Variants in NINL observed in about 807,000 individuals in gnomAD.
NINL encodes ninein-like protein.
In NINL, 153 loss-of-function variants were observed where a neutral mutation model predicts 160.3. That is an observed-to-expected ratio of 0.95 (90% confidence interval 0.84 to 1.09). The LOEUF (loss-of-function observed/expected upper bound fraction) is 1.09. NINL is among the 50% of genes least tolerant of loss of function. NINL has a pLI of 0.00. For synonymous variants in NINL, 800 were observed against 734.8 expected, an observed-to-expected ratio of 1.09 and a Z score of -1.43; for missense variants, 1,829 against 1,764.0, an observed-to-expected ratio of 1.04 and a Z score of -0.66.
intron 1 of NINL, among the ~76,000 whole-genome samples, chr20:25,579,222 C>T (rs2065147594): frequency 6.6e-6 from 1 of 152,148 alleles, no homozygotes. Context: ...CAGACCGGAG[C>T]ACCCCTGACC....
At chr20:25,471,196 T>C (rs756251854) in intron 17 of NINL, among the ~76,000 whole-genome samples, 19 of 152,070 alleles carry the variant, frequency 1.2e-4, no homozygotes, top group Non-Finnish European at 2.5e-4. Context: ...TCTCGATAGG[T>C]TGCCCAGGCT....
intron 19 of NINL, among the ~76,000 whole-genome samples, chr20:25,465,140 A>G (rs769819376): frequency 1.4e-4 from 22 of 152,202 alleles, no homozygotes; most frequent in Non-Finnish European, 3.2e-4. Context: ...TCCAGTTTAC[A>G]AGGCAGACAA....
intron 3 of NINL, among the ~76,000 whole-genome samples, chr20:25,516,652 GA>G (rs1460054398): frequency 6.6e-6 from 1 of 152,144 alleles, no homozygotes; most frequent in Non-Finnish European, 1.5e-5. Context: ...GGAGAGTAGG[GA>G]GCCCTTTCAC....
intron 1 of NINL, among the ~76,000 whole-genome samples, chr20:25,526,976 G>T (rs999674771): frequency 4.6e-5 from 7 of 152,174 alleles, no homozygotes; most frequent in Non-Finnish European, 8.8e-5. Context: ...GGCTGCAGGG[G>T]CCTTGACAGT....
At chr20:25,467,314 A>G (rs2062938569) in intron 19 of NINL, 75 bp downstream of exon 19, 3 of 1,246,416 alleles carry the variant, frequency 2.4e-6, no homozygotes, top group Non-Finnish European at 3.5e-6. Flanking sequence ...TTCCTTTTGT[A>G]AGTTTAAAAT....
intron 13 of NINL, chr20:25,488,877 A>G (rs1429368841): frequency 4.7e-6 from 1 of 213,172 alleles, no homozygotes; most frequent in Non-Finnish European, 9.6e-6. Flanking sequence ...CCTTGAGAAC[A>G]TTAAGCGTGT....
intron 5 of NINL, chr20:25,509,751 T>C (rs2064033602): frequency 2.2e-6 from 1 of 456,566 alleles, no homozygotes; most frequent in Admixed American, 2.3e-5. Context: ...TGTTTTCACA[T>C]TGTTTGCATA....
intron 1 of NINL, among the ~76,000 whole-genome samples, chr20:25,572,309 T>C (rs2065063443): frequency 6.6e-6 from 1 of 151,680 alleles, no homozygotes; most frequent in Non-Finnish European, 1.5e-5. Context: ...CCCCAGGAGA[T>C]TTTCTTAACA....
chr20:25,461,774 G>A (rs144660870), intron 20 of NINL, 139 bp from the exon 21 acceptor site: 30 of 616,014 alleles, frequency 4.9e-5, no homozygotes, highest in Middle Eastern at 8.2e-4. Context: ...AACCAAGGCC[G>A]GCCCTGTGTC....
In NINL at chr20:25,480,224, C is replaced by A; in HGVS notation, c.1854G>T (p.Thr618=). 6.2e-7 allele frequency: 1 copy of A among 1,614,052 alleles called. No homozygotes were observed. Among genetic ancestry groups the A allele is most frequent in the Non-Finnish European group, 8.5e-7 (1 of 1,180,014 alleles). Residue 618 remains threonine, a synonymous_variant, in exon 15 of 24, where the codon ACG becomes ACT. Transcript: ENST00000278886. ...LGNSAPVSIE[T]ELMMEQVKEH... ...CCTTTACCTGCTCCATCATCAGCTC[C>A]GTTTCTATACTCACTGGAGCAGAAT...
intron 19 of NINL, among the ~76,000 whole-genome samples, chr20:25,463,673 T>C (rs1189842454): frequency 6.6e-6 from 1 of 152,230 alleles, no homozygotes; most frequent in Non-Finnish European, 1.5e-5. Context: ...AGTGATGTCC[T>C]CTGACCCGCT....
Position 25,496,774 on chromosome 20 carries a change from C to T in NINL, c.1199G>A (p.Arg400His), listed in dbSNP as rs150847797. The T allele has an allele frequency of 7.6e-5, 123 of 1,614,026 alleles. No homozygotes were observed. In the African/African-American group the frequency reaches 8.8e-4, roughly 12 times the overall value. ...CTCCAGGTCCTGCCTTGCCTTGTCA[C>T]GCTCCCTTGCCAGCTGCTCCACCTG... Reference protein sequence around the residue: ...QGQVEQLARERDKARQDLERA... With the variant: ...QGQVEQLAREHDKARQDLERA... Residue 400 changes from arginine (R) to histidine (H), a missense_variant, in exon 10 of 24, where the codon CGT becomes CAT. By Grantham distance (29) the Arg-to-His change is conservative. Transcript: ENST00000278886.
At chr20:25,550,410 G>T (rs1016853198) in intron 1 of NINL, among the ~76,000 whole-genome samples, 1 of 152,192 alleles carries the variant, frequency 6.6e-6, no homozygotes, top group African/African-American at 2.4e-5. Flanking sequence ...ACTGAGAAAA[G>T]AAATAAGACA....
chr20:25,547,332 A>AT, intron 1 of NINL, among the ~76,000 whole-genome samples: 1 of 152,330 alleles, frequency 6.6e-6, no homozygotes, highest in South Asian at 2.1e-4. Context: ...TCTTGGTCAC[A>AT]GCTTCATAAT....
chr20:25,543,040 CAAAAAAA>C (rs11480769), intron 1 of NINL, among the ~76,000 whole-genome samples: 2 of 130,690 alleles, frequency 1.5e-5, no homozygotes, highest in Non-Finnish European at 3.1e-5. Context: ...ACTCCGTCTT[CAAAAAAA>C]AAAAAAAGAA....
intron 1 of NINL, among the ~76,000 whole-genome samples, chr20:25,583,823 AG>A (rs1218090376): frequency 6.6e-6 from 1 of 152,202 alleles, no homozygotes; most frequent in Non-Finnish European, 1.5e-5. Context: ...TGTCCTTTGC[AG>A]GGACATGCAT....
chr20:25,516,283 T>C (rs972644725), intron 3 of NINL, among the ~76,000 whole-genome samples: 2 of 152,078 alleles, frequency 1.3e-5, no homozygotes, highest in African/African-American at 2.4e-5. Context: ...TAGTTTCTTA[T>C]AGCAATATGA....
rs1229396947 is a variant in NINL at position 25,468,583 on chromosome 20, C to G, written c.3354-1125G>C. Among the ~76,000 whole-genome samples the G allele has an allele frequency of 3.7e-5, 5 of 135,722 alleles. No homozygotes were observed. The East Asian group carries it at 1.3e-3, about 36-fold the overall frequency. 89.0% of individuals were successfully genotyped at this position (135,722 alleles called of 152,430 possible). A position where few individuals can be genotyped will look rare whatever the true frequency, so the allele number is the denominator to read the frequency against. ...CGCACCCCCCTGCCCTGTCCCCTGT[C>G]ACTGGTCTGTGCCCCTCTGTCCTGT... On this transcript the variant is annotated intron_variant, in intron 18 of 23. Transcript: ENST00000278886.
chr20:25,480,672 G>A (rs1243563459), intron 14 of NINL, among the ~76,000 whole-genome samples: 2 of 152,182 alleles, frequency 1.3e-5, no homozygotes, highest in East Asian at 3.9e-4. Flanking sequence ...TGTGTGCACG[G>A]AGGTTATCTA....
Sources: gnomAD v4.1 joint callset for allele counts (sites outside exome capture counted in the v4.1 genomes callset) on GRCh38, gnomAD v4.1.1 for gene constraint, MANE v1.5 for transcripts, NCBI Gene and HGNC (gene_info 2026-07-23, HGNC 2026-07-21) for gene names.